The following WDR19 variants were observed in gnomAD, a reference collection of about 807,000 sequenced individuals.
WDR19 encodes the protein WD repeat-containing protein 19.
WDR19 carries 121 observed loss-of-function variants against 180.0 expected under a neutral mutation model. That is an observed-to-expected ratio of 0.67 (90% CI 0.58 to 0.78). The LOEUF is 0.78. WDR19 is among the 30% of genes least tolerant of loss of function. The pLI is 0.00. For synonymous variants in WDR19, 497 were observed against 540.7 expected (o/e 0.92, Z 1.12); for missense variants, 1,450 against 1,640.7 (o/e 0.88, Z 2.01).
chr4:39,222,401 AT>A (rs1287113767), intron 14 of WDR19, among the ~76,000 whole-genome samples: 3 of 152,152 alleles, frequency 2.0e-5, no homozygotes, highest in African/African-American at 7.2e-5. Context: ...CAAAGAGAAG[AT>A]TTTTTTTAAT....
At chr4:39,201,998 G>A in intron 6 of WDR19, among the ~76,000 whole-genome samples, 1 of 152,086 alleles carries the variant, frequency 6.6e-6, no homozygotes, top group African/African-American at 2.4e-5. Context: ...TACTTGTATG[G>A]ATTTATTTTT....
chr4:39,208,152 A>T (rs760187757), intron 9 of WDR19, among the ~76,000 whole-genome samples: 4 of 152,196 alleles, frequency 2.6e-5, no homozygotes, highest in Non-Finnish European at 5.9e-5. Context: ...ATACTAAAAA[A>T]TGTTCAAATC....
intron 5 of WDR19, among the ~76,000 whole-genome samples, chr4:39,198,949 G>A (rs1187523557): frequency 1.3e-5 from 2 of 149,836 alleles, no homozygotes; most frequent in East Asian, 3.9e-4. Flanking sequence ...AATGAGCCAA[G>A]ATCACGCCAC....
At chr4:39,262,903 T>C (rs538751263) in intron 28 of WDR19, among the ~76,000 whole-genome samples, 1 of 152,244 alleles carries the variant, frequency 6.6e-6, no homozygotes, top group Admixed American at 6.5e-5. Flanking sequence ...CAATCCTCCA[T>C]TTCTTTCTTT....
intron 20 of WDR19, chr4:39,237,640 T>C (rs1731514053): frequency 6.6e-6 from 1 of 152,186 alleles, no homozygotes; most frequent in Non-Finnish European, 1.5e-5. Context: ...TTAAAAACAT[T>C]ATAGAGATTT....
chr4:39,231,678 G>A, intron 17 of WDR19, 119 bp from the exon 18 acceptor site: 1 of 836,316 alleles, frequency 1.2e-6, no homozygotes, highest in Non-Finnish European at 1.7e-6. Flanking sequence ...ACAATTACAG[G>A]TTAAGAAATG....
intron 24 of WDR19, among the ~76,000 whole-genome samples, chr4:39,250,997 G>A (rs1733107744): frequency 1.3e-5 from 2 of 151,956 alleles, no homozygotes; most frequent in African/African-American, 4.8e-5. Flanking sequence ...TCACAGACTT[G>A]GAAAAAACTA....
At chr4:39,266,214 A>T in intron 29 of WDR19, 74 bp downstream of exon 29, 1 of 1,339,746 alleles carries the variant, frequency 7.5e-7, no homozygotes, top group Admixed American at 2.4e-5. Flanking sequence ...TTTACCCATC[A>T]TGCTTTTACA....
intron 15 of WDR19, among the ~76,000 whole-genome samples, chr4:39,227,728 A>G (rs1300218200): frequency 1.3e-4 from 20 of 152,128 alleles, no homozygotes; most frequent in Admixed American, 1.3e-3. Flanking sequence ...ATGATTGTAT[A>G]TTTATATTTG....
chr4:39,279,930 T>G (rs1053435265), intron 36 of WDR19, among the ~76,000 whole-genome samples: 1 of 151,986 alleles, frequency 6.6e-6, no homozygotes, highest in Non-Finnish European at 1.5e-5. Flanking sequence ...TTCCAACTCC[T>G]GACTTCATGC....
At chr4:39,233,199 T>C (rs528733434) in intron 19 of WDR19, among the ~76,000 whole-genome samples, 17 of 152,260 alleles carry the variant, frequency 1.1e-4, no homozygotes, top group Admixed American at 2.0e-4. Context: ...TAAGGACTAG[T>C]GTACCATCAC....
At chr4:39,281,205 A>ATGTGTGTGTGTGTGTGTGTG (rs144111830) in intron 36 of WDR19, among the ~76,000 whole-genome samples, 72 of 110,452 alleles carry the variant, frequency 6.5e-4, no homozygotes, top group African/African-American at 3.2e-3. Context: ...CTAAATATAT[A>ATGTGTGTGTGTGTGTGTGTG]TGTGTGTGTG....
rs374615138 is a variant in WDR19 at position 39,216,026 on chromosome 4, T to G, written c.1134+13T>G. 2.0e-4 allele frequency: 309 copies of G among 1,555,764 alleles called. No homozygotes were observed. The highest frequency in any genetic ancestry group is 2.4e-4 in the Non-Finnish European group (274 of 1,153,032). ...CCCTGTTGAAGGAGTATGAAAATGG[T>G]GTTATTTTTCTTTTATTTATTAATA... On this transcript the variant is annotated intron_variant, in intron 11 of 36. Coordinates refer to ENST00000399820, the MANE Select transcript of WDR19 (RefSeq NM_025132.4).
At chr4:39,187,485 T>C (rs1725696458) in intron 3 of WDR19, among the ~76,000 whole-genome samples, 1 of 152,166 alleles carries the variant, frequency 6.6e-6, no homozygotes, top group Non-Finnish European at 1.5e-5. Flanking sequence ...GCTGTGCTTT[T>C]AAAATTCATG....
intron 9 of WDR19, among the ~76,000 whole-genome samples, chr4:39,206,908 C>T (rs997141695): frequency 6.6e-6 from 1 of 152,132 alleles, no homozygotes; most frequent in Admixed American, 6.5e-5. Flanking sequence ...AAAATATTAA[C>T]CTTCTCCATG....
intron 21 of WDR19, among the ~76,000 whole-genome samples, chr4:39,242,827 G>A (rs1054030065): frequency 2.0e-5 from 3 of 152,026 alleles, no homozygotes; most frequent in African/African-American, 4.8e-5. Flanking sequence ...GGGCCACCAC[G>A]ATTGGCTAAT....
At chr4:39,205,855 A>G (rs1166520994) in intron 9 of WDR19, 119 bp downstream of exon 9, 8 of 945,064 alleles carry the variant, frequency 8.5e-6, no homozygotes, top group African/African-American at 3.3e-5. Flanking sequence ...AACGTCTAAG[A>G]CTACTTTGCT....
At chr4:39,223,674 T>C (rs1028967829) in intron 14 of WDR19, among the ~76,000 whole-genome samples, 2 of 152,184 alleles carry the variant, frequency 1.3e-5, no homozygotes, top group African/African-American at 4.8e-5. Context: ...GGAAAAAGAA[T>C]CAGTTGAACA....
chr4:39,250,607 C>T (rs1449420503), intron 24 of WDR19, among the ~76,000 whole-genome samples: 2 of 152,072 alleles, frequency 1.3e-5, no homozygotes, highest in African/African-American at 4.8e-5. Context: ...TCTAGAAAAC[C>T]CCATCGTCTC....
Sources: allele counts gnomAD v4.1 joint callset (sites outside exome capture counted in the v4.1 genomes callset), GRCh38; gene constraint gnomAD v4.1.1; transcripts MANE v1.5; gene names NCBI Gene and HGNC (gene_info 2026-07-23, HGNC 2026-07-21).